Variants in SHCBP1 observed in about 807,000 individuals in gnomAD.
The protein encoded by SHCBP1 is SHC binding and spindle associated 1.
In SHCBP1, 60 loss-of-function variants were observed where a neutral mutation model predicts 75.1. That is an observed-to-expected ratio of 0.80 (90% CI 0.65 to 0.99). SHCBP1 has a LOEUF of 0.99. Among genes scored for constraint, SHCBP1 ranks in the 50% least tolerant of loss-of-function variants. SHCBP1 has a pLI of 0.00. For missense variants in SHCBP1, 709 were observed against 809.4 expected (o/e 0.88, Z 1.50); for synonymous variants, 290 against 293.2 (o/e 0.99, Z 0.11).
chr16:46,602,476 A>G (rs1339911233), intron 8 of SHCBP1, among the ~76,000 whole-genome samples: 1 of 152,202 alleles, frequency 6.6e-6, no homozygotes, highest in Non-Finnish European at 1.5e-5. Context: ...TTTTTGCATT[A>G]CAAGCTTCAC....
Position 46,610,544 on chromosome 16 carries a change from A to ATTT in SHCBP1, c.597-2158_597-2156dup, listed in dbSNP as rs60140518. 8.4e-3 allele frequency among the ~76,000 whole-genome samples: 260 copies of ATTT among 31,080 alleles called. 80 individuals carry two copies. The highest frequency in any genetic ancestry group is 0.035 in the South Asian group (22 of 632). 20.4% of individuals were successfully genotyped at this position (31,080 alleles called of 152,430 possible). A position where few individuals can be genotyped will look rare whatever the true frequency, so the allele number is the denominator to read the frequency against. ...TGGTGATTACATCCCCATGGGGTCA[A>ATTT]TTTTTTTTTTTTTTTTTTTTTTTTT... On this transcript the variant is annotated intron_variant, in intron 4 of 12. Coordinates refer to ENST00000303383, the MANE Select transcript of SHCBP1 (RefSeq NM_024745.5).
rs780821668 is a variant in SHCBP1, at chr16:46,581,713, A to G, written c.*16T>C. On this transcript the variant is annotated 3_prime_UTR_variant, in exon 13 of 13. Transcript: ENST00000303383. Reference sequence around the variant, plus strand: ...TGCAAAATCCAGTATTTTGCTATCTACTTACATCACTGTAGTCAGAAAAGA... The same window carrying G: ...TGCAAAATCCAGTATTTTGCTATCTGCTTACATCACTGTAGTCAGAAAAGA... 3 of 1,604,382 alleles carry G rather than the reference A, an allele frequency of 1.9e-6. No individual in the cohort carries two copies. The highest frequency in any genetic ancestry group is 1.7e-6 in the Non-Finnish European group (2 of 1,174,008).
chr16:46,616,142 C>A lies in SHCBP1; in HGVS notation c.400G>T (p.Asp134Tyr). The A allele has an allele frequency of 3.1e-6, 5 of 1,613,830 alleles. No homozygotes were observed. In the South Asian group the frequency reaches 3.3e-5, roughly 11 times the overall value. ...FKVLVEITDV[D>Y]FAALKAVVRL... ...ACCACTGCCTTCAAGGCTGCAAAGT[C>A]CACATCTGTGATCTGAAATTTAAAA... Residue 134 changes from aspartate to tyrosine, a missense_variant, in exon 4 of 13, where the codon GAC (aspartate) becomes TAC (tyrosine). Transcript: ENST00000303383. The surrounding 1 kb of genome is among the most constrained non-coding windows in gnomAD (Gnocchi z 4.4).
rs536262234 is a variant in SHCBP1, at chr16:46,586,202, A to T, written c.1465-2113T>A. ...TGATTTTAAAGCAGCCATGATAAAA[A>T]TGCTTCAATAAGCAATTATGAACAC... On this transcript the variant is annotated intron_variant, in intron 10 of 12. Coordinates refer to ENST00000303383, the MANE Select transcript of SHCBP1 (RefSeq NM_024745.5). Among the ~76,000 whole-genome samples, 79 of 152,364 alleles carry T rather than the reference A, an allele frequency of 5.2e-4. 1 individual carries two copies. Among genetic ancestry groups the T allele is most frequent in the African/African-American group, 1.8e-3 (75 of 41,588 alleles).
At chr16:46,608,603 C>CTT (rs34823071) in intron 4 of SHCBP1, among the ~76,000 whole-genome samples, 4,917 of 126,934 alleles carry the variant, frequency 0.039, 264 homozygotes, top group Admixed American at 0.075. Context: ...TTTGTTAGGA[C>CTT]TTTTTTTTTT....
intron 9 of SHCBP1, among the ~76,000 whole-genome samples, chr16:46,595,980 C>A (rs529658070): frequency 1.3e-5 from 2 of 151,876 alleles, no homozygotes; most frequent in South Asian, 4.2e-4. Flanking sequence ...GACTTTGATT[C>A]AAGAAAGGGG....
At chr16:46,609,056 G>A (rs1298190916) in intron 4 of SHCBP1, among the ~76,000 whole-genome samples, 1 of 152,146 alleles carries the variant, frequency 6.6e-6, no homozygotes, top group African/African-American at 2.4e-5. Flanking sequence ...AAAGGTCAGG[G>A]CTGGAAACAT....
chr16:46,584,543 C>T (rs2142997367), intron 10 of SHCBP1, among the ~76,000 whole-genome samples: 1 of 152,288 alleles, frequency 6.6e-6, no homozygotes, highest in South Asian at 2.1e-4. Context: ...CAAGACCCCA[C>T]ATTTTCCAAA....
intron 10 of SHCBP1, among the ~76,000 whole-genome samples, chr16:46,587,884 C>T (rs1964977596): frequency 6.6e-6 from 1 of 152,210 alleles, no homozygotes; most frequent in Non-Finnish European, 1.5e-5. Flanking sequence ...CCACATCACA[C>T]TTATTCCAAA....
intron 9 of SHCBP1, 121 bp downstream of exon 9, chr16:46,599,710 C>CA: frequency 4.9e-6 from 1 of 205,714 alleles, no homozygotes; most frequent in Non-Finnish European, 8.1e-6. Context: ...TCGTGAAGTG[C>CA]AATAAAACAA....
At chr16:46,592,966 A>AAAAAAAAAAAAAAAAAC (rs1197287716) in intron 10 of SHCBP1, among the ~76,000 whole-genome samples, 2 of 147,198 alleles carry the variant, frequency 1.4e-5, no homozygotes, top group African/African-American at 4.9e-5. Flanking sequence ...AAAAAAAAAA[A>AAAAAAAAAAAAAAAAAC]AAAAAAAAAA....
intron 5 of SHCBP1, 122 bp downstream of exon 5, chr16:46,608,173 CAG>C (rs1567451447): frequency 1.7e-4 from 104 of 616,296 alleles, no homozygotes; most frequent in South Asian, 3.7e-4. Context: ...GAAAGAAAAT[CAG>C]AGAGAGAGAG....
In SHCBP1 at chr16:46,616,252, C is replaced by T. The variant is rs1965498435; in HGVS notation, c.388-98G>A. 2.0e-5 allele frequency: 24 copies of T among 1,225,414 alleles called. No individual in the cohort carries two copies. Among genetic ancestry groups the T allele is most frequent in the Non-Finnish European group, 2.7e-5 (23 of 864,986 alleles). The allele number at this position is 1,225,414 out of a possible 1,614,324, so 75.9% of individuals were successfully genotyped here. A position where few individuals can be genotyped will look rare whatever the true frequency, so the allele number is the denominator to read the frequency against. ...ACCTGATTTTTTTAAAAGCATACAA[C>T]ATGGGTGGGGAGGCTTTACCCATAA... On this transcript the variant is annotated intron_variant, in intron 3 of 12. Transcript: ENST00000303383. The surrounding 1 kb of genome is among the most constrained non-coding windows in gnomAD (Gnocchi z 4.4).
chr16:46,595,576 C>A lies in SHCBP1; in HGVS notation c.1440G>T (p.Lys480Asn), dbSNP rs372325367. Residue 480 changes from lysine (K) to asparagine (N), a missense_variant, in exon 10 of 13, where the codon AAG becomes AAT. Physicochemically the swap from Lys to Asn is moderately conservative, Grantham distance 94. Coordinates refer to ENST00000303383, the MANE Select transcript of SHCBP1 (RefSeq NM_024745.5). ...CCTTGGCGCCATATAAATCCGAGTT[C>A]TTCATTAGAAACTCTGCTGATGTCC... ...TVRTSAEFLMKNSDLYGAKGA... is the reference protein window; with the variant it reads ...TVRTSAEFLMNNSDLYGAKGA... 1 of 1,613,946 alleles carries A rather than the reference C, an allele frequency of 6.2e-7. No individual in the cohort carries two copies. Among genetic ancestry groups the A allele is most frequent in the Non-Finnish European group, 8.5e-7 (1 of 1,179,970 alleles).
chr16:46,606,280 T>C (rs1217606282), intron 5 of SHCBP1, among the ~76,000 whole-genome samples: 1 of 152,224 alleles, frequency 6.6e-6, no homozygotes, highest in Non-Finnish European at 1.5e-5. Context: ...AAAAATTTAC[T>C]GCACAGTACA....
intron 12 of SHCBP1, 54 bp downstream of exon 12, chr16:46,583,462 T>C (rs890913292): frequency 1.1e-5 from 17 of 1,539,966 alleles, no homozygotes; most frequent in African/African-American, 2.8e-5. Context: ...TAATCAGCAT[T>C]TAATGCTGAA....
chr16:46,595,521 A>G lies in SHCBP1; in HGVS notation c.1464+31T>C, dbSNP rs368712899. 3.2e-6 allele frequency: 5 copies of G among 1,543,072 alleles called. No individual in the cohort carries two copies. In the African/African-American group the frequency reaches 4.1e-5, roughly 13 times the overall value. On this transcript the variant is annotated intron_variant, in intron 10 of 12. Transcript: ENST00000303383. Reference sequence around the variant, plus strand: ...ATATTCATTTACAACTTAAACACAAACTACTTCCCCAAGAGGACAAGAGCT... The same window carrying G: ...ATATTCATTTACAACTTAAACACAAGCTACTTCCCCAAGAGGACAAGAGCT...
intron 4 of SHCBP1, among the ~76,000 whole-genome samples, chr16:46,615,203 T>C (rs976224825): frequency 1.3e-5 from 2 of 152,250 alleles, no homozygotes; most frequent in Non-Finnish European, 2.9e-5. Context: ...TATTATAAGA[T>C]AATACACATA....
intron 9 of SHCBP1, among the ~76,000 whole-genome samples, chr16:46,597,572 C>T (rs148086374): frequency 2.0e-5 from 3 of 152,260 alleles, no homozygotes; most frequent in African/African-American, 7.2e-5. Context: ...GCTAACAATC[C>T]TCTGAGCCTT....
Sources: allele counts gnomAD v4.1 joint callset (sites outside exome capture counted in the v4.1 genomes callset), GRCh38; gene constraint gnomAD v4.1.1; non-coding constraint Gnocchi (gnomAD v3.1); transcripts MANE v1.5; gene names NCBI Gene and HGNC (gene_info 2026-07-23, HGNC 2026-07-21).